NTM: variants seen among roughly 807,000 people sequenced by gnomAD.
NTM encodes IgLON family member 2.
NTM carries 13 observed loss-of-function variants against 42.1 expected under a neutral mutation model. The observed-to-expected ratio is 0.31, with a 90% CI of 0.20 to 0.49. The LOEUF (loss-of-function observed/expected upper bound fraction) is 0.49, where lower values mean the gene tolerates loss of function less well. Ranked by LOEUF, NTM falls within the 20% of genes least tolerant of loss-of-function variation. The pLI is 0.99. For synonymous variants in NTM, 187 were observed against 179.2 expected (o/e 1.04, Z -0.35); for missense variants, 373 against 452.8 (o/e 0.82, Z 1.60).
intron 1 of NTM, among the ~76,000 whole-genome samples, chr11:131,494,859 G>A (rs750515078): frequency 1.3e-5 from 2 of 152,202 alleles, no homozygotes; most frequent in African/African-American, 2.4e-5. Flanking sequence ...TCACCAGAAG[G>A]TGGGTGGAGG....
chr11:132,099,933 C>T (rs1010495853), intron 2 of NTM, among the ~76,000 whole-genome samples: 3 of 152,114 alleles, frequency 2.0e-5, no homozygotes, highest in African/African-American at 7.2e-5. Flanking sequence ...CTACCCCATC[C>T]TTTTCTTCCT....
chr11:131,839,528 G>A (rs1399819959), intron 1 of NTM, among the ~76,000 whole-genome samples: 1 of 152,200 alleles, frequency 6.6e-6, no homozygotes, highest in Non-Finnish European at 1.5e-5. Context: ...GGTCAGCAGT[G>A]CGGCTGCAGC....
intron 1 of NTM, among the ~76,000 whole-genome samples, chr11:131,649,238 T>C (rs895446277): frequency 1.3e-5 from 2 of 152,178 alleles, no homozygotes; most frequent in African/African-American, 4.8e-5. Flanking sequence ...CCATGAATGG[T>C]AAACAGGGGA....
chr11:131,562,891 CATGCTT>C (rs1412104076), intron 1 of NTM, among the ~76,000 whole-genome samples: 1 of 152,176 alleles, frequency 6.6e-6, no homozygotes, highest in Admixed American at 6.5e-5. Flanking sequence ...CCCCTTTAAC[CATGCTT>C]AGTGGACTGG....
intron 4 of NTM, among the ~76,000 whole-genome samples, chr11:132,260,175 C>A (rs2092759005): frequency 6.6e-6 from 1 of 152,070 alleles, no homozygotes; most frequent in Non-Finnish European, 1.5e-5. Flanking sequence ...AAGCTAAAAC[C>A]TGGCTGAAAC....
At chr11:131,888,825 G>GGAGAT (rs2050795634) in intron 1 of NTM, among the ~76,000 whole-genome samples, 1 of 152,126 alleles carries the variant, frequency 6.6e-6, no homozygotes, top group African/African-American at 2.4e-5. Context: ...AGAGGGAAGG[G>GGAGAT]GAGATGAGAT....
At chr11:131,408,078 C>T (rs764604874) in intron 1 of NTM, among the ~76,000 whole-genome samples, 1 of 152,192 alleles carries the variant, frequency 6.6e-6, no homozygotes, top group Non-Finnish European at 1.5e-5. Flanking sequence ...TGCAATGCCT[C>T]AGTGCCCCCC....
In NTM at chr11:132,003,249, T is replaced by C; in HGVS notation, c.167+91601T>C. Among the ~76,000 whole-genome samples the C allele has an allele frequency of 6.7e-6, 1 of 149,770 alleles. No individual in the cohort carries two copies. On this transcript the variant is annotated intron_variant, in intron 2 of 8. Transcript: ENST00000683400. This position sits in a 1 kb window ranked among gnomAD's most constrained non-coding sequence, Gnocchi z 6.0. ...ATTCCTCCACCCACACCCTTAGAGT[T>C]TTTTTTTCTTTTTTTTTTTTGACAG...
intron 3 of NTM, among the ~76,000 whole-genome samples, chr11:132,148,445 T>A (rs1431342340): frequency 6.6e-6 from 1 of 152,074 alleles, no homozygotes; most frequent in Non-Finnish European, 1.5e-5. Flanking sequence ...GCCCCCCTCC[T>A]GTCCTGCCCC....
chr11:131,408,007 T>C (rs1257351156), intron 1 of NTM, among the ~76,000 whole-genome samples: 1 of 152,232 alleles, frequency 6.6e-6, no homozygotes, highest in Non-Finnish European at 1.5e-5. Context: ...GGACTTCTTA[T>C]TGAATTATGC....
chr11:131,422,294 A>G (rs1384134847), intron 1 of NTM, among the ~76,000 whole-genome samples: 3 of 152,178 alleles, frequency 2.0e-5, no homozygotes, highest in African/African-American at 7.2e-5. Flanking sequence ...CTCCTCTGCC[A>G]GATTCTCCAT....
At chr11:131,583,493 GT>G (rs1352007597) in intron 1 of NTM, among the ~76,000 whole-genome samples, 1 of 152,144 alleles carries the variant, frequency 6.6e-6, no homozygotes, top group East Asian at 1.9e-4. Flanking sequence ...TCTTCTGAAG[GT>G]CATATGCCTC....
intron 1 of NTM, among the ~76,000 whole-genome samples, chr11:131,484,387 A>T (rs1953931677): frequency 6.6e-6 from 1 of 152,238 alleles, no homozygotes; most frequent in Admixed American, 6.5e-5. Flanking sequence ...TCCTTTTCAA[A>T]TGCAAGTATT....
chr11:132,102,004 T>C (rs2061684322), intron 2 of NTM, among the ~76,000 whole-genome samples: 1 of 152,228 alleles, frequency 6.6e-6, no homozygotes, highest in South Asian at 2.1e-4. Flanking sequence ...GTCACACTGC[T>C]GGAAGGTAGA....
intron 1 of NTM, among the ~76,000 whole-genome samples, chr11:131,633,555 C>A (rs1042390525): frequency 1.3e-5 from 2 of 151,472 alleles, no homozygotes; most frequent in Non-Finnish European, 2.9e-5. Flanking sequence ...CTCTATCTCT[C>A]CCTCTCTCTC....
At chr11:131,470,485 C>T (rs985644671) in intron 1 of NTM, among the ~76,000 whole-genome samples, 3 of 152,186 alleles carry the variant, frequency 2.0e-5, no homozygotes, top group Admixed American at 6.5e-5. Context: ...AATCTTGTCT[C>T]CTCTAGACCC....
intron 1 of NTM, among the ~76,000 whole-genome samples, chr11:131,824,816 G>T (rs565004572): frequency 1.3e-5 from 2 of 152,122 alleles, no homozygotes; most frequent in Admixed American, 1.3e-4. Context: ...ATGAGAGAGG[G>T]AAAATATTCT....
chr11:132,130,251 C>G (rs533319869), intron 2 of NTM, among the ~76,000 whole-genome samples: 5 of 151,896 alleles, frequency 3.3e-5, no homozygotes, highest in South Asian at 4.2e-4. Context: ...AGTGAAGCCT[C>G]GGAAGTGGGA....
At chr11:131,951,003 GT>G (rs139140307) in intron 2 of NTM, among the ~76,000 whole-genome samples, 25 of 150,976 alleles carry the variant, frequency 1.7e-4, no homozygotes, top group African/African-American at 4.8e-4. Context: ...TTTGGTAATT[GT>G]TTTTTTTTAA....
Sources: allele counts gnomAD v4.1 joint callset (sites outside exome capture counted in the v4.1 genomes callset), GRCh38; gene constraint gnomAD v4.1.1; non-coding constraint Gnocchi (gnomAD v3.1); transcripts MANE v1.5; gene names NCBI Gene and HGNC (gene_info 2026-07-23, HGNC 2026-07-21).